Variants in MAP1B observed in about 807,000 individuals in gnomAD.
MAP1B encodes the protein microtubule associated protein 1B.
In MAP1B, 12 loss-of-function variants were observed where a neutral mutation model predicts 176.1. The ratio of observed to expected loss-of-function variants is 0.07; its 90% CI spans 0.04 to 0.11. The LOEUF (loss-of-function observed/expected upper bound fraction) is 0.11, where lower values mean the gene tolerates loss of function less well. Among genes scored for constraint, MAP1B ranks in the 10% least tolerant of loss-of-function variants. MAP1B has a pLI of 1.00. For missense variants in MAP1B, 2,523 were observed against 2,990.5 expected, an observed-to-expected ratio of 0.84 and a Z score of 3.65; for synonymous variants, 1,044 against 1,135.0, an observed-to-expected ratio of 0.92 and a Z score of 1.61.
intron 2 of MAP1B, among the ~76,000 whole-genome samples, chr5:72,163,920 T>C (rs1276002609): frequency 3.3e-5 from 3 of 92,266 alleles, no homozygotes; most frequent in African/African-American, 1.3e-4. Flanking sequence ...CTCTCTCTTT[T>C]TTTTTTTTTC....
rs566598043 is a variant in MAP1B, at chr5:72,186,492, T to C, written c.370-122T>C. 1 of 1,234,802 alleles carries C rather than the reference T, an allele frequency of 8.1e-7. No individual in the cohort carries two copies. The highest frequency in any genetic ancestry group is 1.5e-5 in the African/African-American group (1 of 66,972). The allele number at this position is 1,234,802 out of a possible 1,614,324, so 76.5% of individuals were successfully genotyped here. A position where few individuals can be genotyped will look rare whatever the true frequency, so the allele number is the denominator to read the frequency against. On this transcript the variant is annotated intron_variant, in intron 3 of 6. Transcript: ENST00000296755. The surrounding 1 kb of genome is among the most constrained non-coding windows in gnomAD (Gnocchi z 4.3). Reference sequence around the variant, plus strand: ...CTGGCCTCCAGGAGAAATTAGACCTTTGGGGAATGAATGCTTTTTGCTGGT... The same window carrying C: ...CTGGCCTCCAGGAGAAATTAGACCTCTGGGGAATGAATGCTTTTTGCTGGT...
At chr5:72,150,306 C>G (rs983291191) in intron 2 of MAP1B, among the ~76,000 whole-genome samples, 3 of 152,120 alleles carry the variant, frequency 2.0e-5, no homozygotes, top group Admixed American at 6.5e-5. Flanking sequence ...ATTCTTGTCT[C>G]TCATGTTTTA....
At chr5:72,202,316 T>C (rs1342837092) in intron 5 of MAP1B, among the ~76,000 whole-genome samples, 1 of 152,262 alleles carries the variant, frequency 6.6e-6, no homozygotes, top group Non-Finnish European at 1.5e-5. Flanking sequence ...CAGAATTCTT[T>C]AGGAATTCTT....
intron 1 of MAP1B, among the ~76,000 whole-genome samples, chr5:72,107,947 T>C (rs1305880455): frequency 6.6e-6 from 1 of 152,214 alleles, no homozygotes; most frequent in Non-Finnish European, 1.5e-5. Context: ...GTCACCACGC[T>C]GAGTCCGCAG....
chr5:72,127,545 G>C (rs554392013), intron 2 of MAP1B, among the ~76,000 whole-genome samples: 1 of 151,848 alleles, frequency 6.6e-6, no homozygotes, highest in Non-Finnish European at 1.5e-5. Flanking sequence ...ACCATGGCAC[G>C]TGTATACCTA....
Position 72,194,217 on chromosome 5 carries a change from T to A in MAP1B, c.862T>A (p.Ser288Thr). The change falls in exon 5 of 7, where the codon TCA (serine) becomes ACA (threonine). Residue 288 changes from serine (S) to threonine (T), a missense_variant. By Grantham distance (58) the Ser-to-Thr change is moderately conservative (BLOSUM62 1). Coordinates refer to ENST00000296755, the MANE Select transcript of MAP1B (RefSeq NM_005909.5). The surrounding 1 kb of genome is among the most constrained non-coding windows in gnomAD (Gnocchi z 7.2). ...TTTCAATATGCTCATCAATGGCGGA[T>A]CAGAGAGAAAATCCTGCTTCTGGAA... ...NGFNMLINGG[S>T]ERKSCFWKLI... The A allele has an allele frequency of 1.2e-6, 2 of 1,614,196 alleles. No individual in the cohort carries two copies. Among genetic ancestry groups the A allele is most frequent in the Non-Finnish European group, 1.7e-6 (2 of 1,180,036 alleles).
intron 2 of MAP1B, among the ~76,000 whole-genome samples, chr5:72,144,114 C>T (rs951641650): frequency 1.6e-4 from 24 of 152,172 alleles, no homozygotes; most frequent in African/African-American, 5.5e-4. Context: ...AATGAGGTCA[C>T]ATTCTGAGGT....
intron 2 of MAP1B, among the ~76,000 whole-genome samples, chr5:72,156,589 A>C (rs921578097): frequency 6.6e-6 from 1 of 152,188 alleles, no homozygotes; most frequent in Non-Finnish European, 1.5e-5. Context: ...GTTTGTGATA[A>C]CTCAGATTCG....
Position 72,196,398 on chromosome 5 carries a change from C to A in MAP1B, c.3043C>A (p.Gln1015Lys), listed in dbSNP as rs1405853697. 6.2e-7 allele frequency: 1 copy of A among 1,613,864 alleles called. No homozygotes were observed. Among genetic ancestry groups the A allele is most frequent in the Non-Finnish European group, 8.5e-7 (1 of 1,179,980 alleles). Residue 1015 changes from glutamine to lysine, a missense_variant, in exon 5 of 7, where the codon CAA becomes AAA. Coordinates refer to ENST00000296755, the MANE Select transcript of MAP1B (RefSeq NM_005909.5). This position sits in a 1 kb window ranked among gnomAD's most constrained non-coding sequence, Gnocchi z 5.3. ...GGCCATTGAGAAAGGAGAGGCTGAA[C>A]AATCTGAAGAGGAGGCTGATGAGGA... ...DEAIEKGEAE[Q>K]SEEEADEEDK... is the part of the protein sequence containing the mutation.
chr5:72,205,315 A>G lies in MAP1B; in HGVS notation c.*76A>G. 1 of 1,473,860 alleles carries G rather than the reference A, an allele frequency of 6.8e-7. No homozygotes were observed. Among genetic ancestry groups the G allele is most frequent in the South Asian group, 1.3e-5 (1 of 79,124 alleles). The allele number at this position is 1,473,860 out of a possible 1,614,324, so 91.3% of individuals were successfully genotyped here. On this transcript the variant is annotated 3_prime_UTR_variant, in exon 7 of 7. Coordinates refer to ENST00000296755, the MANE Select transcript of MAP1B (RefSeq NM_005909.5). ...TTCAATTTGAAATCACCTTTTCTAA[A>G]AAGTCAATTCATCTAGTTAAGTCGC...
At chr5:72,147,989 A>T (rs1051242023) in intron 2 of MAP1B, among the ~76,000 whole-genome samples, 1 of 152,212 alleles carries the variant, frequency 6.6e-6, no homozygotes, top group African/African-American at 2.4e-5. Context: ...CACAGGAAAG[A>T]AAATCACCCA....
chr5:72,196,064 C>T lies in MAP1B; in HGVS notation c.2709C>T (p.Gly903=), dbSNP rs745683314. Residue 903 remains glycine, a synonymous_variant, in exon 5 of 7, where the codon GGC becomes GGT. Coordinates refer to ENST00000296755, the MANE Select transcript of MAP1B (RefSeq NM_005909.5). This position sits in a 1 kb window ranked among gnomAD's most constrained non-coding sequence, Gnocchi z 5.3. ...DEGITTTEGE[G]ECEQTPEELE... ...GAATCACTACCACTGAAGGGGAGGG[C>T]GAATGTGAACAGACACCTGAGGAGC... is the stretch of plus-strand genomic sequence containing the variant. 9.7e-5 allele frequency: 157 copies of T among 1,613,890 alleles called. No homozygotes were observed. Among genetic ancestry groups the T allele is most frequent in the Middle Eastern group, 1.6e-4 (1 of 6,078 alleles).
chr5:72,176,247 G>A (rs529300352), intron 2 of MAP1B, among the ~76,000 whole-genome samples: 9 of 152,306 alleles, frequency 5.9e-5, no homozygotes, highest in Non-Finnish European at 5.9e-5. Flanking sequence ...TTCAGCAGGC[G>A]TTGGCTGACC....
intron 2 of MAP1B, among the ~76,000 whole-genome samples, chr5:72,119,092 T>C (rs1218938901): frequency 6.6e-6 from 1 of 152,240 alleles, no homozygotes; most frequent in East Asian, 1.9e-4. Context: ...TCTTGAATAA[T>C]ATCCTTTGAG....
Position 72,205,702 on chromosome 5 carries a change from AAG to A in MAP1B, c.*470_*471del, listed in dbSNP as rs572536823. 1 of 153,014 alleles carries A rather than the reference AAG, an allele frequency of 6.5e-6. No homozygotes were observed. Among genetic ancestry groups the A allele is most frequent in the South Asian group, 2.0e-4 (1 of 4,896 alleles). The allele number at this position is 153,014 out of a possible 1,614,324, so 9.5% of individuals were successfully genotyped here. On this transcript the variant is annotated 3_prime_UTR_variant, in exon 7 of 7. Transcript: ENST00000296755. Reference sequence around the variant, plus strand: ...TTCTGGTGAGATACCCAGAGAGAAAAAGAGAGAGCAGGGTGGGGTAAGGAGGA... The same window carrying A: ...TTCTGGTGAGATACCCAGAGAGAAAAAGAGAGCAGGGTGGGGTAAGGAGGA...
At chr5:72,152,414 A>G (rs1746157065) in intron 2 of MAP1B, among the ~76,000 whole-genome samples, 1 of 152,154 alleles carries the variant, frequency 6.6e-6, no homozygotes, top group African/African-American at 2.4e-5. Flanking sequence ...ACTGAAGAAT[A>G]AAGAAAGCAT....
intron 2 of MAP1B, among the ~76,000 whole-genome samples, chr5:72,128,139 T>C (rs934481748): frequency 4.6e-5 from 7 of 152,294 alleles, no homozygotes; most frequent in African/African-American, 1.7e-4. Flanking sequence ...CTCAGAACAG[T>C]AGAATTGAAT....
intron 4 of MAP1B, among the ~76,000 whole-genome samples, chr5:72,188,545 A>G (rs1025781843): frequency 6.6e-6 from 1 of 152,238 alleles, no homozygotes; most frequent in Non-Finnish European, 1.5e-5. Flanking sequence ...TGTCATTGCC[A>G]AGATTTTCAA....
chr5:72,186,893 A>G lies in MAP1B; in HGVS notation c.510+139A>G, dbSNP rs1746921037. On this transcript the variant is annotated intron_variant, in intron 4 of 6. Transcript: ENST00000296755. This position sits in a 1 kb window ranked among gnomAD's most constrained non-coding sequence, Gnocchi z 4.3. ...GAAATAAGCAAAACTGCATGATCCA[A>G]AATACTTTATTTCTATGGCTCATTG... The G allele has an allele frequency of 2.1e-6, 2 of 941,798 alleles. No homozygotes were observed. The highest frequency in any genetic ancestry group is 3.2e-6 in the Non-Finnish European group (2 of 623,514). 58.3% of individuals were successfully genotyped at this position (941,798 alleles called of 1,614,324 possible).
Sources: allele counts gnomAD v4.1 joint callset (sites outside exome capture counted in the v4.1 genomes callset), GRCh38; gene constraint gnomAD v4.1.1; non-coding constraint Gnocchi (gnomAD v3.1); transcripts MANE v1.5; gene names NCBI Gene and HGNC (gene_info 2026-07-23, HGNC 2026-07-21).